Variants in KANSL3 observed in about 807,000 individuals in gnomAD.
KANSL3 encodes the protein KAT8 regulatory NSL complex subunit 3.
In KANSL3, 16 loss-of-function variants were observed where a neutral mutation model predicts 89.2. That is an observed-to-expected ratio of 0.18 (90% CI 0.12 to 0.27). The LOEUF is 0.27. KANSL3 is among the 10% of genes least tolerant of loss of function. The pLI is 1.00. For missense variants in KANSL3, 879 were observed against 1,110.6 expected, an observed-to-expected ratio of 0.79 and a Z score of 2.96; for synonymous variants, 385 against 419.7, an observed-to-expected ratio of 0.92 and a Z score of 1.01.
At chr2:96,627,763 A>G (rs905597577) in intron 3 of KANSL3, among the ~76,000 whole-genome samples, 1 of 152,236 alleles carries the variant, frequency 6.6e-6, no homozygotes, top group African/African-American at 2.4e-5. Flanking sequence ...CAAGTCAGGG[A>G]AAGAATGGCA....
intron 11 of KANSL3, chr2:96,610,231 G>A (rs2068676196): frequency 6.5e-6 from 1 of 153,318 alleles, no homozygotes; most frequent in Non-Finnish European, 1.4e-5. Flanking sequence ...AGGGTATATA[G>A]GAATTGTTTT....
At chr2:96,619,814 T>C in intron 3 of KANSL3, 52 bp from the exon 4 acceptor site, 1 of 1,310,574 alleles carries the variant, frequency 7.6e-7, no homozygotes, top group Non-Finnish European at 1.1e-6. Flanking sequence ...ACGCTCCCCA[T>C]GTATGTACAC....
chr2:96,618,942 A>G (rs1259293344), intron 5 of KANSL3, among the ~76,000 whole-genome samples: 2 of 152,348 alleles, frequency 1.3e-5, no homozygotes, highest in Non-Finnish European at 2.9e-5. Context: ...TGCCCTGGGG[A>G]GCAGAATTGA....
In KANSL3 at chr2:96,593,795, T is replaced by C. The variant is rs1427137347; in HGVS notation, c.*1816A>G. The C allele has an allele frequency of 6.4e-6, 1 of 156,634 alleles. No individual in the cohort carries two copies. Among genetic ancestry groups the C allele is most frequent in the African/African-American group, 2.4e-5 (1 of 41,546 alleles). 9.7% of individuals were successfully genotyped at this position (156,634 alleles called of 1,614,324 possible). ...CTTCATATAGCTCATATAGTCTTAT[T>C]GTCCACTGCTCTTTTGGTGTGGTAT... On this transcript the variant is annotated 3_prime_UTR_variant, in exon 21 of 21. Coordinates refer to ENST00000431828, the MANE Select transcript of KANSL3 (RefSeq NM_001115016.3).
the KANSL3 span, among the ~76,000 whole-genome samples, chr2:96,586,458 G>A: frequency 6.6e-5 from 10 of 152,242 alleles, no homozygotes; most frequent in Admixed American, 5.9e-4. Context: ...ATTATAATGT[G>A]TCTAGATGTG....
chr2:96,600,385 AT>A (rs2067008891), intron 20 of KANSL3: 1 of 884,140 alleles, frequency 1.1e-6, no homozygotes, highest in Non-Finnish European at 1.4e-6. Flanking sequence ...AAGCATAATC[AT>A]TTTTATAATT....
chr2:96,595,922 G>A (rs1048863478), intron 20 of KANSL3, among the ~76,000 whole-genome samples: 9 of 152,256 alleles, frequency 5.9e-5, no homozygotes, highest in Admixed American at 3.3e-4. Context: ...ACTTTCCAGG[G>A]TCACCGTAAG....
intron 9 of KANSL3, 54 bp from the exon 10 acceptor site, chr2:96,611,192 G>T: frequency 1.3e-6 from 2 of 1,490,300 alleles, no homozygotes; most frequent in Non-Finnish European, 1.9e-6. Flanking sequence ...TGGCACCTCA[G>T]CCTACCCAGA....
chr2:96,637,287 T>C (rs1474558307), intron 1 of KANSL3, 102 bp from the exon 2 acceptor site: 22 of 582,960 alleles, frequency 3.8e-5, no homozygotes, highest in Non-Finnish European at 4.5e-5. Context: ...ATCATTCCTA[T>C]TGAGTATCCA....
chr2:96,590,380 C>T (rs910741739), downstream of KANSL3, among the ~76,000 whole-genome samples: 1 of 151,914 alleles, frequency 6.6e-6, no homozygotes, highest in Non-Finnish European at 1.5e-5. Context: ...GCAGCCTTGA[C>T]CTCCCAGGCT....
At chr2:96,602,908 A>C (rs2067390815) in intron 17 of KANSL3, 46 bp from the exon 18 acceptor site, 1 of 1,571,510 alleles carries the variant, frequency 6.4e-7, no homozygotes, top group South Asian at 1.1e-5. Context: ...AATCACTTGC[A>C]CTATCCCGAG....
At chr2:96,626,965 A>G (rs2072455155) in intron 3 of KANSL3, among the ~76,000 whole-genome samples, 1 of 152,246 alleles carries the variant, frequency 6.6e-6, no homozygotes, top group Non-Finnish European at 1.5e-5. Flanking sequence ...TATCTCAATA[A>G]AAGCTTATGC....
chr2:96,599,148 T>C (rs2066848887), intron 20 of KANSL3, among the ~76,000 whole-genome samples: 1 of 152,176 alleles, frequency 6.6e-6, no homozygotes, highest in South Asian at 2.1e-4. Context: ...CCCATATGTG[T>C]TCAGTACTTT....
chr2:96,617,489 A>G (rs2070381248), intron 5 of KANSL3, among the ~76,000 whole-genome samples: 1 of 151,976 alleles, frequency 6.6e-6, no homozygotes, highest in African/African-American at 2.4e-5. Flanking sequence ...GGCTGAGGGA[A>G]CGTGTTGGCC....
At chr2:96,602,463 C>G in intron 18 of KANSL3, 125 bp from the exon 19 acceptor site, 3 of 715,338 alleles carry the variant, frequency 4.2e-6, no homozygotes, top group Non-Finnish European at 7.1e-6. Context: ...GCAAGGTACT[C>G]TTCCAGGCAT....
chr2:96,585,090 T>A, the KANSL3 span, among the ~76,000 whole-genome samples: 1 of 152,184 alleles, frequency 6.6e-6, no homozygotes, highest in Admixed American at 6.5e-5. Flanking sequence ...AAAGAGTTAA[T>A]GACCAAGAGC....
rs2067578374 is a variant in KANSL3, at chr2:96,603,981, T to C, written c.2149+269A>G. 6 of 322,334 alleles carry C rather than the reference T, an allele frequency of 1.9e-5. No homozygotes were observed. In the East Asian group the frequency reaches 3.2e-4, roughly 17 times the overall value. The allele number at this position is 322,334 out of a possible 1,614,324, so 20.0% of individuals were successfully genotyped here. ...GACTATACATATATGTCCTATCGGC[T>C]ATTTCTCCTTACAGTAGAGGATACA... On this transcript the variant is annotated intron_variant, in intron 17 of 20. Transcript: ENST00000431828.
At chr2:96,624,147 T>C (rs2071852125) in intron 3 of KANSL3, among the ~76,000 whole-genome samples, 1 of 152,206 alleles carries the variant, frequency 6.6e-6, no homozygotes, top group Non-Finnish European at 1.5e-5. Context: ...TCAGGATGCC[T>C]TGGAACTGGG....
the KANSL3 span, among the ~76,000 whole-genome samples, chr2:96,583,071 G>A: frequency 3.2e-4 from 48 of 152,312 alleles, 1 homozygote; most frequent in Non-Finnish European, 5.3e-4. Flanking sequence ...GGACAGAATG[G>A]TTACAGCAGC....
Sources: gnomAD v4.1 joint callset for allele counts (sites outside exome capture counted in the v4.1 genomes callset) on GRCh38, gnomAD v4.1.1 for gene constraint, MANE v1.5 for transcripts, NCBI Gene and HGNC (gene_info 2026-07-23, HGNC 2026-07-21) for gene names.